Variants in CNTNAP5 observed in about 807,000 individuals in gnomAD.
CNTNAP5 encodes the protein contactin-associated protein-like 5.
In CNTNAP5, 72 loss-of-function variants were observed where a neutral mutation model predicts 150.2. That is an observed-to-expected ratio of 0.48 (90% CI 0.40 to 0.58). The LOEUF (loss-of-function observed/expected upper bound fraction) is 0.58. Ranked by LOEUF, CNTNAP5 falls within the 20% of genes least tolerant of loss-of-function variation. The pLI is 0.00. For synonymous variants in CNTNAP5, 672 were observed against 619.8 expected (o/e 1.08, Z -1.25); for missense variants, 1,636 against 1,626.2 (o/e 1.01, Z -0.10).
chr2:124,914,460 C>A lies in CNTNAP5; in HGVS notation c.*172C>A, dbSNP rs1332523716. ...ATTCCCTTGATCCAGCCCAAGAGAC[C>A]AGGCAGCCATGGCCACTGCCTTCCT... is the stretch of plus-strand genomic sequence containing the variant. On this transcript the variant is annotated 3_prime_UTR_variant, in exon 24 of 24. Transcript: ENST00000682447. 11 of 606,518 alleles carry A rather than the reference C, an allele frequency of 1.8e-5. No individual in the cohort carries two copies. In the African/African-American group the frequency reaches 1.9e-4, roughly 10 times the overall value. The allele number at this position is 606,518 out of a possible 1,614,324, so 37.6% of individuals were successfully genotyped here.
intron 13 of CNTNAP5, among the ~76,000 whole-genome samples, chr2:124,741,391 T>C (rs1270886655): frequency 3.3e-5 from 5 of 152,140 alleles, no homozygotes; most frequent in Admixed American, 3.3e-4. Context: ...TGTTTCCCAG[T>C]TGTCAAAACT....
intron 1 of CNTNAP5, among the ~76,000 whole-genome samples, chr2:124,177,506 A>G (rs1300319667): frequency 6.6e-6 from 1 of 152,146 alleles, no homozygotes; most frequent in Admixed American, 6.6e-5. Flanking sequence ...AACGTTATAT[A>G]TCTAGATATG....
At chr2:124,491,782 C>T (rs1694035121) in intron 7 of CNTNAP5, among the ~76,000 whole-genome samples, 1 of 151,784 alleles carries the variant, frequency 6.6e-6, no homozygotes, top group African/African-American at 2.4e-5. Context: ...GGATAGCAGC[C>T]ACCCTAACAG....
chr2:124,909,763 C>T lies in CNTNAP5; in HGVS notation c.3656-1704C>T, dbSNP rs556806196. ...CTCATTTTCCTTCTCTTTATCTGCC[C>T]GCTCTCTCTCTGTCTCTAACACCCA... On this transcript the variant is annotated intron_variant, in intron 22 of 23. Coordinates refer to ENST00000682447, the MANE Select transcript of CNTNAP5 (RefSeq NM_001367498.1). 1.8e-3 allele frequency among the ~76,000 whole-genome samples: 267 copies of T among 146,756 alleles called. 3 individuals are homozygous for T. Among genetic ancestry groups the T allele is most frequent in the African/African-American group, 5.8e-3 (230 of 39,590 alleles).
chr2:124,428,053 A>T (rs1430322231), intron 4 of CNTNAP5, among the ~76,000 whole-genome samples: 4 of 152,076 alleles, frequency 2.6e-5, no homozygotes, highest in African/African-American at 7.2e-5. Flanking sequence ...AGCAAGTTTG[A>T]TTCCTGATAG....
chr2:124,808,331 C>A (rs1019794929), intron 19 of CNTNAP5, among the ~76,000 whole-genome samples: 1 of 152,236 alleles, frequency 6.6e-6, no homozygotes, highest in East Asian at 1.9e-4. Flanking sequence ...GCAGGCCAGG[C>A]ACGGTGGCTC....
intron 3 of CNTNAP5, among the ~76,000 whole-genome samples, chr2:124,246,262 G>C (rs1687021767): frequency 6.6e-6 from 1 of 152,102 alleles, no homozygotes; most frequent in African/African-American, 2.4e-5. Context: ...GCAATGTACG[G>C]TAGCAATTTT....
intron 3 of CNTNAP5, among the ~76,000 whole-genome samples, chr2:124,378,094 T>C (rs1239357473): frequency 6.6e-6 from 1 of 152,102 alleles, no homozygotes; most frequent in Non-Finnish European, 1.5e-5. Flanking sequence ...TAATAGGGAC[T>C]GATGCTTACT....
intron 1 of CNTNAP5, among the ~76,000 whole-genome samples, chr2:124,188,769 A>AAG (rs1426979624): frequency 6.6e-6 from 1 of 151,322 alleles, no homozygotes; most frequent in Non-Finnish European, 1.5e-5. Flanking sequence ...GAGAGAGAGA[A>AAG]AGAGAGAGAG....
intron 19 of CNTNAP5, among the ~76,000 whole-genome samples, chr2:124,818,825 A>G (rs1228069034): frequency 6.6e-6 from 1 of 152,048 alleles, no homozygotes; most frequent in East Asian, 1.9e-4. Context: ...GCAGTACACA[A>G]TCTGGCCCTT....
At chr2:124,518,122 C>A (rs1484151080) in intron 8 of CNTNAP5, among the ~76,000 whole-genome samples, 1 of 152,056 alleles carries the variant, frequency 6.6e-6, no homozygotes. Context: ...TGTTGAGGAA[C>A]CCCACTTTAA....
At chr2:124,767,359 G>A (rs1267759116) in intron 16 of CNTNAP5, among the ~76,000 whole-genome samples, 1 of 152,160 alleles carries the variant, frequency 6.6e-6, no homozygotes, top group Admixed American at 6.6e-5. Context: ...TGAAAAAGAA[G>A]ACACGCCACT....
intron 5 of CNTNAP5, among the ~76,000 whole-genome samples, chr2:124,439,973 C>T (rs565349774): frequency 1.3e-5 from 2 of 152,078 alleles, no homozygotes; most frequent in South Asian, 2.1e-4. Flanking sequence ...ATAGTAAGAG[C>T]GTAAGAAATG....
chr2:124,258,084 AC>A (rs1687359201), intron 3 of CNTNAP5, among the ~76,000 whole-genome samples: 1 of 152,064 alleles, frequency 6.6e-6, no homozygotes. Context: ...TGAGAAAATG[AC>A]CCATGCAAAT....
chr2:124,747,944 G>T (rs1680645273), intron 14 of CNTNAP5, among the ~76,000 whole-genome samples: 1 of 151,360 alleles, frequency 6.6e-6, no homozygotes, highest in Non-Finnish European at 1.5e-5. Context: ...GCCCCCACCA[G>T]CTTCTTATAT....
chr2:124,217,893 G>A (rs2104735169), intron 1 of CNTNAP5, among the ~76,000 whole-genome samples: 1 of 152,146 alleles, frequency 6.6e-6, no homozygotes, highest in South Asian at 2.1e-4. Flanking sequence ...TGCAGACAGT[G>A]AAAATAAAAC....
At chr2:124,482,683 G>A (rs565239511) in intron 7 of CNTNAP5, among the ~76,000 whole-genome samples, 6 of 152,172 alleles carry the variant, frequency 3.9e-5, no homozygotes, top group Non-Finnish European at 7.4e-5. Context: ...CTTGTCTTTG[G>A]TGTGAAAAAG....
At chr2:124,488,636 A>T (rs964452908) in intron 7 of CNTNAP5, among the ~76,000 whole-genome samples, 3 of 152,240 alleles carry the variant, frequency 2.0e-5, no homozygotes, top group Non-Finnish European at 4.4e-5. Flanking sequence ...ATTTTTAATA[A>T]GAAGAGAAAT....
At chr2:124,629,030 C>A (rs898147978) in intron 12 of CNTNAP5, among the ~76,000 whole-genome samples, 1 of 152,100 alleles carries the variant, frequency 6.6e-6, no homozygotes, top group Non-Finnish European at 1.5e-5. Context: ...TATATATGCA[C>A]CCAATACAGG....
Sources: gnomAD v4.1 joint callset for allele counts (sites outside exome capture counted in the v4.1 genomes callset) on GRCh38, gnomAD v4.1.1 for gene constraint, MANE v1.5 for transcripts, NCBI Gene and HGNC (gene_info 2026-07-23, HGNC 2026-07-21) for gene names.